Variants in DPP10 observed in about 807,000 individuals in gnomAD.
The protein encoded by DPP10 is inactive dipeptidyl peptidase 10.
DPP10 carries 33 observed loss-of-function variants against 120.9 expected under a neutral mutation model. The ratio of observed to expected loss-of-function variants is 0.27; its 90% CI spans 0.21 to 0.37. The LOEUF (loss-of-function observed/expected upper bound fraction) is 0.37, where lower values mean the gene tolerates loss of function less well. Ranked by LOEUF, DPP10 falls within the 10% of genes least tolerant of loss-of-function variation. The pLI is 1.00. For missense variants in DPP10, 816 were observed against 942.8 expected, an observed-to-expected ratio of 0.87 and a Z score of 1.76; for synonymous variants, 337 against 326.1, an observed-to-expected ratio of 1.03 and a Z score of -0.36.
intron 1 of DPP10, among the ~76,000 whole-genome samples, chr2:115,124,836 C>T (rs545361879): frequency 6.6e-6 from 1 of 151,968 alleles, no homozygotes; most frequent in Admixed American, 6.6e-5. Context: ...TAGAATAAAC[C>T]CATTATAAAT....
At chr2:114,667,919 G>A (rs1698051456) in intron 1 of DPP10, among the ~76,000 whole-genome samples, 1 of 152,048 alleles carries the variant, frequency 6.6e-6, no homozygotes, top group South Asian at 2.1e-4. Context: ...GAAGTTTTGA[G>A]TTTTACAAAT....
chr2:115,132,016 G>A (rs1425387447), intron 1 of DPP10: 1 of 152,112 alleles, frequency 6.6e-6, no homozygotes, highest in Non-Finnish European at 1.5e-5. Flanking sequence ...CTTAAATCCA[G>A]GAGGTGGAGG....
intron 3 of DPP10, among the ~76,000 whole-genome samples, chr2:115,433,036 ACT>A (rs964896324): frequency 6.6e-6 from 1 of 151,464 alleles, no homozygotes; most frequent in African/African-American, 2.4e-5. Context: ...GAGAAAAGGG[ACT>A]CTATTTTCTG....
intron 1 of DPP10, among the ~76,000 whole-genome samples, chr2:115,174,394 A>G (rs2053563307): frequency 6.6e-6 from 1 of 152,208 alleles, no homozygotes; most frequent in African/African-American, 2.4e-5. Context: ...TTTGAGGAAG[A>G]GAGATTTATA....
At chr2:115,809,493 T>C (rs1686384967) in intron 19 of DPP10, among the ~76,000 whole-genome samples, 1 of 152,180 alleles carries the variant, frequency 6.6e-6, no homozygotes, top group Admixed American at 6.5e-5. Context: ...TATAAGGTAA[T>C]ATTGTTCTTT....
intron 1 of DPP10, among the ~76,000 whole-genome samples, chr2:114,681,807 A>C (rs1468242124): frequency 1.3e-5 from 2 of 152,028 alleles, no homozygotes; most frequent in Non-Finnish European, 2.9e-5. Flanking sequence ...GTTATGATAA[A>C]TAATTAATTT....
At chr2:115,536,376 T>C (rs953783504) in intron 5 of DPP10, among the ~76,000 whole-genome samples, 1 of 152,004 alleles carries the variant, frequency 6.6e-6, no homozygotes, top group Non-Finnish European at 1.5e-5. Flanking sequence ...CATGTGGTGA[T>C]ATCATAATTT....
intron 21 of DPP10, among the ~76,000 whole-genome samples, chr2:115,817,171 C>T (rs1410189776): frequency 5.3e-5 from 8 of 151,850 alleles, no homozygotes; most frequent in Middle Eastern, 3.4e-3. Flanking sequence ...TGGCTGATCC[C>T]GGGAGGCAGA....
chr2:115,100,572 A>ATG (rs1194138078), intron 1 of DPP10, among the ~76,000 whole-genome samples: 229 of 151,054 alleles, frequency 1.5e-3, no homozygotes, highest in African/African-American at 5.0e-3. Flanking sequence ...GTGTGTGTGT[A>ATG]TGTGTGTGTG....
chr2:115,057,854 A>C (rs887406208), intron 1 of DPP10, among the ~76,000 whole-genome samples: 2 of 152,198 alleles, frequency 1.3e-5, no homozygotes, highest in African/African-American at 4.8e-5. Context: ...TGCTTGGAAA[A>C]GATGGGCTAG....
At chr2:115,033,675 T>G (rs2105256774) in intron 1 of DPP10, among the ~76,000 whole-genome samples, 1 of 149,046 alleles carries the variant, frequency 6.7e-6, no homozygotes, top group South Asian at 2.2e-4. Flanking sequence ...ATTTGGCAAT[T>G]TTTACCGCAA....
intron 3 of DPP10, among the ~76,000 whole-genome samples, chr2:115,390,434 G>T (rs1287360250): frequency 6.6e-6 from 1 of 152,152 alleles, no homozygotes; most frequent in East Asian, 1.9e-4. Context: ...GTATCTTCAT[G>T]AGTCAACAGG....
At chr2:115,484,252 A>T (rs1231579910) in intron 3 of DPP10, among the ~76,000 whole-genome samples, 1 of 148,792 alleles carries the variant, frequency 6.7e-6, no homozygotes, top group Non-Finnish European at 1.5e-5. Flanking sequence ...TGGAGAGGCA[A>T]TTTTTTTTTT....
chr2:114,689,610 G>C (rs748715059), intron 1 of DPP10, among the ~76,000 whole-genome samples: 5 of 151,982 alleles, frequency 3.3e-5, no homozygotes. Context: ...TAATAGGATT[G>C]CTGGGTCAAA....
chr2:115,670,401 A>G (rs2089777078), intron 5 of DPP10, among the ~76,000 whole-genome samples: 3 of 151,926 alleles, frequency 2.0e-5, no homozygotes, highest in African/African-American at 4.8e-5. Context: ...TCTAGTATTC[A>G]TGTTTCTCTA....
At chr2:115,773,695 TC>T (rs1349879882) in intron 13 of DPP10, among the ~76,000 whole-genome samples, 1 of 152,116 alleles carries the variant, frequency 6.6e-6, no homozygotes, top group Non-Finnish European at 1.5e-5. Flanking sequence ...AAGTGATCTT[TC>T]CTGTGATTGC....
chr2:114,904,225 A>G (rs1474884091), intron 1 of DPP10, among the ~76,000 whole-genome samples: 2 of 152,234 alleles, frequency 1.3e-5, no homozygotes, highest in African/African-American at 2.4e-5. Flanking sequence ...TAGCCATGAA[A>G]AGAATTTGAT....
intron 1 of DPP10, among the ~76,000 whole-genome samples, chr2:114,733,128 G>T (rs752608246): frequency 2.0e-5 from 3 of 152,192 alleles, no homozygotes; most frequent in African/African-American, 7.2e-5. Flanking sequence ...GGTGCGAGAA[G>T]GGAGCTGGTA....
chr2:115,661,374 C>T (rs559065017), intron 5 of DPP10, among the ~76,000 whole-genome samples: 4 of 152,296 alleles, frequency 2.6e-5, no homozygotes, highest in East Asian at 1.9e-4. Context: ...GGATACAGGC[C>T]GGTCACCTAG....
Sources: allele counts gnomAD v4.1 joint callset (sites outside exome capture counted in the v4.1 genomes callset), GRCh38; gene constraint gnomAD v4.1.1; transcripts MANE v1.5; gene names NCBI Gene and HGNC (gene_info 2026-07-23, HGNC 2026-07-21).